Variants in ARNT observed in about 807,000 individuals in gnomAD.
The protein encoded by ARNT is aryl hydrocarbon receptor nuclear translocator.
A neutral mutation model predicts 105.0 loss-of-function variants in ARNT; 30 were observed. The ratio of observed to expected loss-of-function variants is 0.29; its 90% CI spans 0.21 to 0.39. The LOEUF (loss-of-function observed/expected upper bound fraction) is 0.39. Ranked by LOEUF, ARNT falls within the 10% of genes least tolerant of loss-of-function variation. The probability of loss-of-function intolerance (pLI) is 1.00; values close to 1 mark genes in which losing one functional copy is unlikely to be tolerated. For synonymous variants in ARNT, 304 were observed against 344.0 expected, an observed-to-expected ratio of 0.88 and a Z score of 1.29; for missense variants, 748 against 978.7, an observed-to-expected ratio of 0.76 and a Z score of 3.15.
intron 4 of ARNT, 130 bp downstream of exon 4, chr1:150,846,133 A>T: frequency 1.4e-6 from 1 of 713,384 alleles, no homozygotes. Flanking sequence ...ACATACTTCC[A>T]AATAGGAAAG....
chr1:150,864,740 T>C (rs1474932009), intron 1 of ARNT, among the ~76,000 whole-genome samples: 1 of 145,626 alleles, frequency 6.9e-6, no homozygotes. Flanking sequence ...TGTGCACATG[T>C]ACCCTAAAAC....
intron 3 of ARNT, among the ~76,000 whole-genome samples, chr1:150,847,578 G>C (rs897410867): frequency 6.6e-6 from 1 of 152,100 alleles, no homozygotes; most frequent in African/African-American, 2.4e-5. Flanking sequence ...GCATGTAGTT[G>C]TGACTACTGG....
intron 3 of ARNT, among the ~76,000 whole-genome samples, chr1:150,848,404 A>G (rs1442817608): frequency 1.3e-5 from 2 of 152,000 alleles, no homozygotes; most frequent in Non-Finnish European, 2.9e-5. Flanking sequence ...CGCAATGAGC[A>G]GAGATCGAAC....
At chr1:150,857,479 G>C (rs1207987627) in intron 2 of ARNT, among the ~76,000 whole-genome samples, 1 of 152,020 alleles carries the variant, frequency 6.6e-6, no homozygotes, top group Non-Finnish European at 1.5e-5. Flanking sequence ...CATATAACAA[G>C]TCTTAATATG....
intron 18 of ARNT, 80 bp from the exon 19 acceptor site, chr1:150,816,486 T>A: frequency 6.7e-7 from 1 of 1,488,220 alleles, no homozygotes; most frequent in Middle Eastern, 2.3e-4. Flanking sequence ...AATCTAGTGC[T>A]ATCCCTAGAT....
chr1:150,836,160 GA>G, intron 7 of ARNT, 119 bp downstream of exon 7: 3 of 884,988 alleles, frequency 3.4e-6, no homozygotes, highest in Non-Finnish European at 5.1e-6. Flanking sequence ...CATTAAAGTA[GA>G]AAATTCTTGA....
intron 1 of ARNT, among the ~76,000 whole-genome samples, chr1:150,873,931 TA>T (rs1667856776): frequency 7.5e-6 from 1 of 133,628 alleles, no homozygotes; most frequent in African/African-American, 2.9e-5. Context: ...AAAATAAAAA[TA>T]AGTATTATTT....
intron 3 of ARNT, among the ~76,000 whole-genome samples, chr1:150,846,715 A>G (rs1662280006): frequency 6.6e-6 from 1 of 152,226 alleles, no homozygotes; most frequent in Admixed American, 6.5e-5. Context: ...ACAGATATCT[A>G]GAACTTTTTC....
intron 17 of ARNT, 84 bp downstream of exon 17, chr1:150,816,998 G>T: frequency 6.2e-7 from 1 of 1,604,954 alleles, no homozygotes; most frequent in Non-Finnish European, 8.5e-7. Context: ...GAAAAACACT[G>T]GAAGATTACT....
chr1:150,817,478 T>A (rs765300913), intron 15 of ARNT, 45 bp from the exon 16 acceptor site: 8 of 1,589,320 alleles, frequency 5.0e-6, no homozygotes, highest in Non-Finnish European at 6.9e-6. Context: ...AAAAAAAAAT[T>A]TTTTTTAAAA....
intron 1 of ARNT, among the ~76,000 whole-genome samples, chr1:150,867,964 T>C (rs1466516378): frequency 6.6e-6 from 1 of 152,120 alleles, no homozygotes; most frequent in East Asian, 1.9e-4. Flanking sequence ...TATGAGTCAA[T>C]TAAACCTCTT....
chr1:150,817,680 G>A (rs587697384), intron 15 of ARNT, among the ~76,000 whole-genome samples: 2 of 152,028 alleles, frequency 1.3e-5, no homozygotes, highest in South Asian at 2.1e-4. Flanking sequence ...GTGGTGGCAG[G>A]CACCTGTAAT....
intron 2 of ARNT, chr1:150,853,359 C>A: frequency 3.9e-6 from 1 of 255,158 alleles, no homozygotes; most frequent in Non-Finnish European, 8.1e-6. Flanking sequence ...GAGTAGCAGT[C>A]AATCTTTGCC....
chr1:150,846,376 A>G, intron 3 of ARNT, 69 bp from the exon 4 acceptor site: 2 of 1,483,236 alleles, frequency 1.3e-6, no homozygotes, highest in Admixed American at 3.7e-5. Flanking sequence ...TGAAAAGTAA[A>G]CTAGAAAGGG....
At chr1:150,829,068 G>C in intron 12 of ARNT, 25 bp downstream of exon 12, 1 of 1,612,842 alleles carries the variant, frequency 6.2e-7, no homozygotes, top group Non-Finnish European at 8.5e-7. Flanking sequence ...GAAAATGGAG[G>C]CCTAATGGAG....
At chr1:150,866,051 C>T (rs1341639652) in intron 1 of ARNT, among the ~76,000 whole-genome samples, 6 of 150,198 alleles carry the variant, frequency 4.0e-5, no homozygotes, top group East Asian at 1.9e-4. Context: ...GGCGTGATCT[C>T]GGCTCACTGC....
intron 8 of ARNT, among the ~76,000 whole-genome samples, chr1:150,833,016 T>C (rs866476848): frequency 6.6e-6 from 1 of 152,242 alleles, no homozygotes; most frequent in African/African-American, 2.4e-5. Context: ...TATCTTTACA[T>C]ATATTAATTC....
intron 1 of ARNT, among the ~76,000 whole-genome samples, chr1:150,867,321 G>C (rs1666760238): frequency 6.6e-6 from 1 of 151,746 alleles, no homozygotes; most frequent in South Asian, 2.1e-4. Context: ...CTTGAGCTCA[G>C]CAGTTCAAGA....
At chr1:150,817,534 A>G in intron 15 of ARNT, 101 bp from the exon 16 acceptor site, 1 of 1,108,886 alleles carries the variant, frequency 9.0e-7, no homozygotes, top group African/African-American at 1.6e-5. Context: ...CAGGCCGGGC[A>G]TGGTGGCTCA....
Sources: gnomAD v4.1 joint callset for allele counts (sites outside exome capture counted in the v4.1 genomes callset) on GRCh38, gnomAD v4.1.1 for gene constraint, MANE v1.5 for transcripts, NCBI Gene and HGNC (gene_info 2026-07-23, HGNC 2026-07-21) for gene names.